Variants in FRRS1L observed in about 807,000 individuals in gnomAD.
FRRS1L encodes the protein DOMON domain-containing protein FRRS1L.
In FRRS1L, 22 loss-of-function variants were observed where a neutral mutation model predicts 28.6. The observed-to-expected ratio is 0.77, with a 90% CI of 0.55 to 1.10. The LOEUF (loss-of-function observed/expected upper bound fraction) is 1.10. Among genes scored for constraint, FRRS1L ranks in the 50% least tolerant of loss-of-function variants. FRRS1L has a pLI of 0.00. For missense variants in FRRS1L, 380 were observed against 386.9 expected (o/e 0.98, Z 0.15); for synonymous variants, 158 against 151.4 (o/e 1.04, Z -0.32).
intron 1 of FRRS1L, among the ~76,000 whole-genome samples, chr9:109,159,116 T>C (rs1831448136): frequency 6.6e-6 from 1 of 152,242 alleles, no homozygotes; most frequent in Non-Finnish European, 1.5e-5. Flanking sequence ...TATGTCTTCT[T>C]TGGAAAAATG....
chr9:109,145,745 C>T (rs1044237350), intron 3 of FRRS1L, among the ~76,000 whole-genome samples: 9 of 151,368 alleles, frequency 5.9e-5, no homozygotes, highest in Admixed American at 2.0e-4. Context: ...GGACAGGGTT[C>T]GGATGAGCTT....
intron 1 of FRRS1L, among the ~76,000 whole-genome samples, chr9:109,157,932 A>T (rs977059062): frequency 6.6e-6 from 1 of 152,198 alleles, no homozygotes; most frequent in African/African-American, 2.4e-5. Flanking sequence ...AATATTTTGT[A>T]TAGTACTTAT....
chr9:109,156,803 C>G (rs758202986), intron 1 of FRRS1L, among the ~76,000 whole-genome samples: 18 of 151,434 alleles, frequency 1.2e-4, no homozygotes, highest in Admixed American at 8.6e-4. Flanking sequence ...TACCTCACCC[C>G]GGGACTACAG....
chr9:109,134,156 C>A lies in FRRS1L; in HGVS notation c.*3299G>T, dbSNP rs1346268745. On this transcript the variant is annotated 3_prime_UTR_variant, in exon 5 of 5. Coordinates refer to ENST00000561981, the MANE Select transcript of FRRS1L (RefSeq NM_014334.4). ...TCTCCCAATATACATGAAATGCAAG[C>A]CTTCTGAACCAAACAAACTTGCCAT... The A allele has an allele frequency of 6.6e-6, 1 of 152,152 alleles. No homozygotes were observed. The highest frequency in any genetic ancestry group is 6.5e-5 in the Admixed American group (1 of 15,272). 9.4% of individuals were successfully genotyped at this position (152,152 alleles called of 1,614,324 possible). A position where few individuals can be genotyped will look rare whatever the true frequency, so the allele number is the denominator to read the frequency against.
rs1588106644 is a variant in FRRS1L, at chr9:109,167,067, G to A, written c.72C>T (p.Ala24=). Reference sequence around the variant, plus strand: ...CGTCCGCGGGGCTGGCTGCGCAGGCGGCGGGCCCCGTCAGTAGCAGCAGGA... The same window carrying A: ...CGTCCGCGGGGCTGGCTGCGCAGGCAGCGGGCCCCGTCAGTAGCAGCAGGA... The part of the protein sequence containing the change: ...SLLLLLLTGP[A]ACAASPADDG... Residue 24 remains alanine (A), a synonymous_variant, in exon 1 of 5, where the codon GCC becomes GCT. Coordinates refer to ENST00000561981, the MANE Select transcript of FRRS1L (RefSeq NM_014334.4). 5.9e-6 allele frequency: 7 copies of A among 1,178,308 alleles called. No homozygotes were observed. The East Asian group carries it at 1.6e-4, about 28-fold the overall frequency. 73.0% of individuals were successfully genotyped at this position (1,178,308 alleles called of 1,614,324 possible).
At chr9:109,151,916 T>C (rs1488698207) in intron 1 of FRRS1L, 1 of 152,236 alleles carries the variant, frequency 6.6e-6, no homozygotes, top group Admixed American at 6.5e-5. Flanking sequence ...CCTGAGGCCA[T>C]TTGTCTCAGA....
chr9:109,155,407 C>T (rs1831391516), intron 1 of FRRS1L, among the ~76,000 whole-genome samples: 1 of 152,086 alleles, frequency 6.6e-6, no homozygotes, highest in Admixed American at 6.6e-5. Flanking sequence ...TATATAATCT[C>T]ATTTACATGA....
At chr9:109,146,398 G>T (rs904781867) in intron 3 of FRRS1L, among the ~76,000 whole-genome samples, 2 of 152,032 alleles carry the variant, frequency 1.3e-5, no homozygotes, top group South Asian at 4.2e-4. Context: ...GCAGTCTTGT[G>T]GTTTTGAACC....
chr9:109,146,073 CG>C, intron 3 of FRRS1L, among the ~76,000 whole-genome samples: 1 of 151,676 alleles, frequency 6.6e-6, no homozygotes. Context: ...GGCAGGTGCC[CG>C]TAATCCCAGC....
In FRRS1L at chr9:109,131,968, ATTTTATT is replaced by A. The variant is rs987268746; in HGVS notation, c.*5480_*5486del. 7.7e-6 allele frequency: 1 copy of A among 130,252 alleles called. No homozygotes were observed. The highest frequency in any genetic ancestry group is 1.7e-5 in the Non-Finnish European group (1 of 58,284). The allele number at this position is 130,252 out of a possible 1,614,324, so 8.1% of individuals were successfully genotyped here. A position where few individuals can be genotyped will look rare whatever the true frequency, so the allele number is the denominator to read the frequency against. ...TTTGATACAACTTTTATTTTATTTTATTTTATTTTATTTATTTATTTTTTAGACGGAG... is the reference window on the plus strand; with the variant it reads ...TTTGATACAACTTTTATTTTATTTTATTATTTATTTATTTTTTAGACGGAG... On this transcript the variant is annotated 3_prime_UTR_variant, in exon 5 of 5. Coordinates refer to ENST00000561981, the MANE Select transcript of FRRS1L (RefSeq NM_014334.4).
At chr9:109,147,330 A>G in intron 2 of FRRS1L, 141 bp from the exon 3 acceptor site, 1 of 701,134 alleles carries the variant, frequency 1.4e-6, no homozygotes. Context: ...TTAAAAACAC[A>G]GTTTCACTCT....
At position 109,152,685 on chromosome 9, in the gene FRRS1L, TCC is replaced by T. The variant is rs1455489463; in HGVS notation, c.239-2967_239-2966del. On this transcript the variant is annotated intron_variant, in intron 1 of 4. Transcript: ENST00000561981. ...TGGGCGTGGTGGTGGGCACCTGTAG[TCC>T]CAGCTACTCAGGAGGCTGAGGCAGG... Among the ~76,000 whole-genome samples, 64 of 150,520 alleles carry T rather than the reference TCC, an allele frequency of 4.3e-4. 1 individual carries two copies. Among genetic ancestry groups the T allele is most frequent in the Middle Eastern group, 3.5e-3 (1 of 288 alleles).
Position 109,141,362 on chromosome 9 carries a change from A to G in FRRS1L, c.690T>C (p.Ala230=), listed in dbSNP as rs745432003. Residue 230 remains alanine (A), a synonymous_variant, in exon 4 of 5, where the codon GCT becomes GCC. Coordinates refer to ENST00000561981, the MANE Select transcript of FRRS1L (RefSeq NM_014334.4). ...GCTTACCCTGAATGGCTGGACCCCA[A>G]GCAAACAGATAATACCAACTCAAAT... ...DLHLSWYYLF[A]WGPAIQGSIT... is the part of the protein sequence containing the mutation. 8.7e-6 allele frequency: 14 copies of G among 1,614,062 alleles called. No homozygotes were observed. Among genetic ancestry groups the G allele is most frequent in the South Asian group, 4.4e-5 (4 of 91,082 alleles).
At chr9:109,156,684 T>C (rs1185990528) in intron 1 of FRRS1L, among the ~76,000 whole-genome samples, 1 of 145,712 alleles carries the variant, frequency 6.9e-6, no homozygotes, top group Non-Finnish European at 1.5e-5. Context: ...CCACTGCACC[T>C]GGATGTTTTT....
Position 109,141,690 on chromosome 9 carries a change from C to T in FRRS1L, c.463-101G>A, listed in dbSNP as rs565721703. 1,815 of 1,328,744 alleles carry T rather than the reference C, an allele frequency of 1.4e-3. 1 individual carries two copies. The highest frequency in any genetic ancestry group is 1.6e-3 in the Non-Finnish European group (1,563 of 975,022). 82.3% of individuals were successfully genotyped at this position (1,328,744 alleles called of 1,614,324 possible). A position where few individuals can be genotyped will look rare whatever the true frequency, so the allele number is the denominator to read the frequency against. On this transcript the variant is annotated intron_variant, in intron 3 of 4. Coordinates refer to ENST00000561981, the MANE Select transcript of FRRS1L (RefSeq NM_014334.4). ...TCCATCATCTCTGCAATTTGAAATC[C>T]CACCAAAAAAATTCTTTTAAGTGCC...
rs772724279 is a variant in FRRS1L, at chr9:109,137,525, G to A, written c.812C>T (p.Thr271Ile). The A allele has an allele frequency of 4.3e-6, 7 of 1,613,322 alleles. No homozygotes were observed. Among genetic ancestry groups the A allele is most frequent in the Non-Finnish European group, 5.9e-6 (7 of 1,179,564 alleles). Residue 271 changes from threonine to isoleucine, a missense_variant, in exon 5 of 5, where the codon ACC becomes ATC. Thr to Ile is a moderately conservative substitution (Grantham distance 89). Transcript: ENST00000561981. ...AAGCAAACAAAATGGAGATGAGAAG[G>A]TTTGATAGGCAGCTGATGGCATAAA... is the stretch of plus-strand genomic sequence containing the variant. The part of the protein sequence containing the change: ...DIFMPSAAYQ[T>I]FSSPFCLLLI...
intron 1 of FRRS1L, among the ~76,000 whole-genome samples, chr9:109,158,089 T>G (rs1278865951): frequency 6.6e-6 from 1 of 152,216 alleles, no homozygotes; most frequent in Non-Finnish European, 1.5e-5. Context: ...TGTTTAAGGT[T>G]AGCATCAGCT....
chr9:109,167,186 C>T lies in FRRS1L; in HGVS notation c.-48G>A. 1 of 1,161,658 alleles carries T rather than the reference C, an allele frequency of 8.6e-7. No homozygotes were observed. The highest frequency in any genetic ancestry group is 1.1e-6 in the Non-Finnish European group (1 of 945,556). The allele number at this position is 1,161,658 out of a possible 1,614,324, so 72.0% of individuals were successfully genotyped here. ...CAGGCCGCTCGGGCCGCAGCGGGGG[C>T]GCCGCGGGCGCGGGCCGGGACTGAG... On this transcript the variant is annotated 5_prime_UTR_variant, in exon 1 of 5. Transcript: ENST00000561981.
At position 109,166,733 on chromosome 9, in the gene FRRS1L, C is replaced by T. The variant is rs12379888; in HGVS notation, c.238+168G>A. On this transcript the variant is annotated intron_variant, in intron 1 of 4. Coordinates refer to ENST00000561981, the MANE Select transcript of FRRS1L (RefSeq NM_014334.4). ...GGCCTTTCCTCCAGGCCGGCGGAGG[C>T]CTGGGCACTGCGCTCCCCATCCTGG... Among the ~76,000 whole-genome samples the T allele has an allele frequency of 0.3, 44,911 of 151,230 alleles. 7,465 individuals carry two copies. Among genetic ancestry groups the T allele is most frequent in the African/African-American group, 0.43 (17,763 of 41,086 alleles).
Sources: gnomAD v4.1 joint callset for allele counts (sites outside exome capture counted in the v4.1 genomes callset) on GRCh38, gnomAD v4.1.1 for gene constraint, MANE v1.5 for transcripts, NCBI Gene and HGNC (gene_info 2026-07-23, HGNC 2026-07-21) for gene names.